RGS8: variants seen among roughly 807,000 people sequenced by gnomAD.
RGS8 encodes the protein regulator of G protein signaling 8.
In RGS8, 8 loss-of-function variants were observed where a neutral mutation model predicts 21.7. That is an observed-to-expected ratio of 0.37 (90% CI 0.22 to 0.66). The LOEUF (loss-of-function observed/expected upper bound fraction) is 0.66. Among genes scored for constraint, RGS8 ranks in the 30% least tolerant of loss-of-function variants. RGS8 has a pLI of 0.59. For missense variants in RGS8, 157 were observed against 217.9 expected, an observed-to-expected ratio of 0.72 and a Z score of 1.76; for synonymous variants, 80 against 83.6, an observed-to-expected ratio of 0.96 and a Z score of 0.24.
intron 5 of RGS8, among the ~76,000 whole-genome samples, chr1:182,657,903 T>C (rs966896762): frequency 7.2e-5 from 11 of 152,314 alleles, no homozygotes; most frequent in African/African-American, 2.4e-4. Context: ...CAATCCTGAG[T>C]AACTGAAAGG....
At chr1:182,689,248 C>T (rs141903622), upstream of RGS8, among the ~76,000 whole-genome samples, 1,132 of 145,362 alleles carry the variant, frequency 7.8e-3, 15 homozygotes, top group African/African-American at 0.026. Flanking sequence ...CTCGTGCACG[C>T]GCACGCACAC....
intron 5 of RGS8, among the ~76,000 whole-genome samples, chr1:182,659,693 C>T (rs774191776): frequency 6.6e-6 from 1 of 152,064 alleles, no homozygotes. Context: ...AGTGAGACTC[C>T]GTACCCCGCC....
At position 182,659,535 on chromosome 1, in the gene RGS8, C is replaced by T. The variant is rs183852127; in HGVS notation, c.193+6434G>A. Among the ~76,000 whole-genome samples the T allele has an allele frequency of 3.5e-3, 540 of 152,226 alleles. 3 individuals carry two copies. Among genetic ancestry groups the T allele is most frequent in the African/African-American group, 0.013 (528 of 41,522 alleles). On this transcript the variant is annotated intron_variant, in intron 5 of 6. Transcript: ENST00000483095. Reference sequence around the variant, plus strand: ...CCAACATGGTGAAACCTTGTCTCTACTAAAAATGCAAAAATTAGCTGGGCA... The same window carrying T: ...CCAACATGGTGAAACCTTGTCTCTATTAAAAATGCAAAAATTAGCTGGGCA...
chr1:182,653,882 A>G (rs1402836678), intron 5 of RGS8, among the ~76,000 whole-genome samples: 1 of 152,182 alleles, frequency 6.6e-6, no homozygotes, highest in Non-Finnish European at 1.5e-5. Context: ...GAATGCAGGA[A>G]AGTTTCTCAT....
the RGS8 span, among the ~76,000 whole-genome samples, chr1:182,734,164 G>A: frequency 2.3e-4 from 35 of 151,626 alleles, no homozygotes; most frequent in Admixed American, 6.6e-4. Context: ...CAGGCAATCC[G>A]CCCGCCTCAG....
the RGS8 span, among the ~76,000 whole-genome samples, chr1:182,707,851 C>T: frequency 1.2e-4 from 18 of 152,148 alleles, no homozygotes; most frequent in South Asian, 3.5e-3. Flanking sequence ...GGACTACAGG[C>T]GCCCACCACC....
chr1:182,671,812 A>G lies in RGS8; in HGVS notation c.-178+37T>C, dbSNP rs532947032. ...TGTGTGCATGAACACATAGGGGCAC[A>G]CACACACATATACACACACAGGCAT... is the stretch of plus-strand genomic sequence containing the variant. On this transcript the variant is annotated intron_variant, in intron 1 of 6. Transcript: ENST00000483095. 3.3e-4 allele frequency: 523 copies of G among 1,607,770 alleles called. No individual in the cohort carries two copies. In the African/African-American group the frequency reaches 5.7e-3, roughly 18 times the overall value.
intron 5 of RGS8, among the ~76,000 whole-genome samples, chr1:182,662,509 A>G (rs1485874361): frequency 3.3e-5 from 5 of 152,236 alleles, no homozygotes; most frequent in African/African-American, 1.2e-4. Context: ...GAGCTGGGTC[A>G]AAATCGAGAA....
exon 5 of RGS8, chr1:182,665,989 T>A (rs754469064): frequency 1.2e-6 from 2 of 1,613,748 alleles, no homozygotes; most frequent in Non-Finnish European, 1.7e-6. Context: ...GAGAAGCACA[T>A]CAAAGGAATC....
chr1:182,752,128 C>T, the RGS8 span, among the ~76,000 whole-genome samples: 1 of 152,190 alleles, frequency 6.6e-6, no homozygotes, highest in Admixed American at 6.5e-5. Context: ...CCAGAGAGAT[C>T]CCAAGCCACC....
the RGS8 span, among the ~76,000 whole-genome samples, chr1:182,702,630 T>C: frequency 1.3e-5 from 2 of 152,192 alleles, no homozygotes; most frequent in Non-Finnish European, 2.9e-5. Flanking sequence ...AGGCTAAAGA[T>C]CCAATCGTAA....
At chr1:182,648,636 G>C (rs1454518208) in intron 5 of RGS8, among the ~76,000 whole-genome samples, 1 of 152,100 alleles carries the variant, frequency 6.6e-6, no homozygotes, top group African/African-American at 2.4e-5. Flanking sequence ...ACTTGGCAGG[G>C]AGGCAGGAGA....
the RGS8 span, among the ~76,000 whole-genome samples, chr1:182,734,955 T>C: frequency 1.3e-5 from 2 of 152,266 alleles, no homozygotes; most frequent in African/African-American, 4.8e-5. Flanking sequence ...TCATATATTT[T>C]AGCACAATAT....
chr1:182,716,084 A>T, the RGS8 span, among the ~76,000 whole-genome samples: 2 of 151,786 alleles, frequency 1.3e-5, no homozygotes, highest in Non-Finnish European at 2.9e-5. Flanking sequence ...AATACCTAAT[A>T]CAATATAAAT....
intron 1 of RGS8, among the ~76,000 whole-genome samples, chr1:182,680,836 G>C (rs1664513878): frequency 3.3e-5 from 5 of 152,222 alleles, no homozygotes; most frequent in Admixed American, 3.3e-4. Context: ...CCAGCAGGTA[G>C]GTGAGGAAAC....
chr1:182,703,956 T>A, the RGS8 span, among the ~76,000 whole-genome samples: 1 of 152,234 alleles, frequency 6.6e-6, no homozygotes, highest in Non-Finnish European at 1.5e-5. Flanking sequence ...TTGCAGGAAA[T>A]ATAAAGTTGA....
At chr1:182,666,435 T>C (rs1306673667) in intron 4 of RGS8, among the ~76,000 whole-genome samples, 1 of 152,234 alleles carries the variant, frequency 6.6e-6, no homozygotes, top group Non-Finnish European at 1.5e-5. Context: ...GCCCATTACA[T>C]AGTTGTGTGA....
intron 5 of RGS8, among the ~76,000 whole-genome samples, chr1:182,655,598 T>C (rs943720877): frequency 1.3e-5 from 2 of 152,218 alleles, no homozygotes; most frequent in African/African-American, 4.8e-5. Flanking sequence ...GCACCAGTTC[T>C]GACCAAAATC....
chr1:182,696,113 C>T, the RGS8 span, among the ~76,000 whole-genome samples: 7 of 152,106 alleles, frequency 4.6e-5, no homozygotes, highest in African/African-American at 1.7e-4. Flanking sequence ...ACAAAAGAAA[C>T]AATCTTGGTT....
Sources: allele counts gnomAD v4.1 joint callset (sites outside exome capture counted in the v4.1 genomes callset), GRCh38; gene constraint gnomAD v4.1.1; transcripts MANE v1.5; gene names NCBI Gene and HGNC (gene_info 2026-07-23, HGNC 2026-07-21).